PDZRN3: variants seen among roughly 807,000 people sequenced by gnomAD.
PDZRN3 encodes PDZ domain containing ring finger 3.
A neutral mutation model predicts 85.7 loss-of-function variants in PDZRN3; 38 were observed. The observed-to-expected ratio is 0.44, with a 90% CI of 0.34 to 0.58. The LOEUF (loss-of-function observed/expected upper bound fraction) is 0.58. PDZRN3 is among the 20% of genes least tolerant of loss of function. PDZRN3 has a pLI of 0.01. For synonymous variants in PDZRN3, 759 were observed against 638.0 expected (o/e 1.19, Z -2.86); for missense variants, 1,629 against 1,506.4 (o/e 1.08, Z -1.35).
intron 3 of PDZRN3, among the ~76,000 whole-genome samples, chr3:73,483,622 G>A (rs1703609003): frequency 6.6e-6 from 1 of 152,190 alleles, no homozygotes; most frequent in Non-Finnish European, 1.5e-5. Flanking sequence ...AATTGCATAT[G>A]CTACAAAGTG....
intron 1 of PDZRN3, 181 bp downstream of exon 1, chr3:73,623,922 C>T (rs1702911616): frequency 1.9e-6 from 1 of 534,212 alleles, no homozygotes; most frequent in South Asian, 3.1e-5. Context: ...CCACAGTGTT[C>T]CACCTCAGGC....
chr3:73,505,926 T>C (rs1463478767), intron 3 of PDZRN3, among the ~76,000 whole-genome samples: 1 of 152,168 alleles, frequency 6.6e-6, no homozygotes, highest in Non-Finnish European at 1.5e-5. Context: ...AACCATCTTT[T>C]GGATGGTCAA....
At chr3:73,423,636 A>ATGTT (rs1559671608) in intron 3 of PDZRN3, among the ~76,000 whole-genome samples, 1 of 152,252 alleles carries the variant, frequency 6.6e-6, no homozygotes, top group Non-Finnish European at 1.5e-5. Flanking sequence ...TTTACAACAA[A>ATGTT]TGTTACAGTT....
intron 1 of PDZRN3, among the ~76,000 whole-genome samples, chr3:73,614,298 A>G (rs1702729279): frequency 6.6e-6 from 1 of 152,154 alleles, no homozygotes; most frequent in Non-Finnish European, 1.5e-5. Flanking sequence ...TCTATTGGCA[A>G]AGTCCCTTTT....
intron 3 of PDZRN3, among the ~76,000 whole-genome samples, chr3:73,595,854 T>C (rs373081730): frequency 2.6e-5 from 4 of 152,180 alleles, no homozygotes; most frequent in African/African-American, 9.6e-5. Context: ...TATATGTTAT[T>C]ATCGTGGTAC....
chr3:73,619,042 A>G (rs1702811186), intron 1 of PDZRN3, among the ~76,000 whole-genome samples: 1 of 152,224 alleles, frequency 6.6e-6, no homozygotes, highest in Admixed American at 6.5e-5. Flanking sequence ...CAGTTCTGAA[A>G]AGGACAAAAT....
intron 3 of PDZRN3, among the ~76,000 whole-genome samples, chr3:73,569,754 G>C (rs1303715222): frequency 6.6e-6 from 1 of 152,206 alleles, no homozygotes; most frequent in Admixed American, 6.5e-5. Flanking sequence ...GGCTGGACTA[G>C]GGCTGGCAGT....
chr3:73,502,118 T>C (rs1703992037), intron 3 of PDZRN3, among the ~76,000 whole-genome samples: 1 of 152,160 alleles, frequency 6.6e-6, no homozygotes, highest in Admixed American at 6.5e-5. Context: ...ACCGTTTTCT[T>C]AGAGCTGTGC....
chr3:73,443,633 G>A (rs1352575927), intron 3 of PDZRN3, among the ~76,000 whole-genome samples: 1 of 151,710 alleles, frequency 6.6e-6, no homozygotes, highest in Non-Finnish European at 1.5e-5. Context: ...CTACAGATGG[G>A]CACCACTATG....
intron 5 of PDZRN3, among the ~76,000 whole-genome samples, chr3:73,395,782 A>G (rs1011527417): frequency 3.3e-5 from 5 of 152,208 alleles, no homozygotes; most frequent in Admixed American, 3.3e-4. Context: ...TAGGGTAACA[A>G]GGCATTTTAT....
intron 3 of PDZRN3, among the ~76,000 whole-genome samples, chr3:73,424,418 G>A (rs1219819690): frequency 6.9e-6 from 1 of 145,788 alleles, no homozygotes; most frequent in Non-Finnish European, 1.5e-5. Context: ...GCAGGTGCCT[G>A]TAGTCCCAGC....
At chr3:73,407,154 G>A in intron 3 of PDZRN3, among the ~76,000 whole-genome samples, 1 of 152,204 alleles carries the variant, frequency 6.6e-6, no homozygotes, top group Non-Finnish European at 1.5e-5. Context: ...GATGGGATGA[G>A]AGAGCTGCTA....
At chr3:73,474,687 C>A in intron 3 of PDZRN3, 1 of 983,774 alleles carries the variant, frequency 1.0e-6, no homozygotes, top group South Asian at 2.4e-5. Context: ...AGGCACTGAA[C>A]AAAAGAGGAG....
At chr3:73,408,191 T>G (rs1701892841) in intron 3 of PDZRN3, 1 of 703,290 alleles carries the variant, frequency 1.4e-6, no homozygotes, top group Non-Finnish European at 2.6e-6. Flanking sequence ...AATTGTGGGA[T>G]GAAGCCAGCG....
At chr3:73,579,841 T>C (rs1702173083) in intron 3 of PDZRN3, among the ~76,000 whole-genome samples, 1 of 152,154 alleles carries the variant, frequency 6.6e-6, no homozygotes, top group Non-Finnish European at 1.5e-5. Flanking sequence ...TGTGTGTGTG[T>C]GTGTATATAT....
chr3:73,513,058 T>C (rs896016541), intron 3 of PDZRN3, among the ~76,000 whole-genome samples: 61 of 152,138 alleles, frequency 4.0e-4, no homozygotes, highest in African/African-American at 1.4e-3. Context: ...GGTGCTGAGA[T>C]AGGGTGTTGC....
At chr3:73,497,283 T>C (rs558689781) in intron 3 of PDZRN3, among the ~76,000 whole-genome samples, 67 of 152,300 alleles carry the variant, frequency 4.4e-4, no homozygotes, top group Middle Eastern at 3.4e-3. Flanking sequence ...CTTAGGTAAA[T>C]GTGGAAACAG....
At chr3:73,501,498 C>T (rs1188553339) in intron 3 of PDZRN3, among the ~76,000 whole-genome samples, 1 of 152,234 alleles carries the variant, frequency 6.6e-6, no homozygotes, top group African/African-American at 2.4e-5. Flanking sequence ...CGACTCCTAA[C>T]GATTCGACTG....
At chr3:73,480,504 G>A (rs765726929) in intron 3 of PDZRN3, among the ~76,000 whole-genome samples, 1 of 152,090 alleles carries the variant, frequency 6.6e-6, no homozygotes, top group Non-Finnish European at 1.5e-5. Context: ...TCTCAATCAT[G>A]CTGACTGCAT....
Sources: gnomAD v4.1 joint callset for allele counts (sites outside exome capture counted in the v4.1 genomes callset) on GRCh38, gnomAD v4.1.1 for gene constraint, MANE v1.5 for transcripts, NCBI Gene and HGNC (gene_info 2026-07-23, HGNC 2026-07-21) for gene names.